The following DLG2 variants were observed in gnomAD, a reference collection of about 807,000 sequenced individuals.
DLG2 encodes the protein disks large homolog 2.
DLG2 carries 45 observed loss-of-function variants against 132.5 expected under a neutral mutation model. That is an observed-to-expected ratio of 0.34 (90% CI 0.27 to 0.44). The LOEUF is 0.44. DLG2 is among the 20% of genes least tolerant of loss of function. The probability of loss-of-function intolerance (pLI) is 1.00; values close to 1 mark genes in which losing one functional copy is unlikely to be tolerated. For synonymous variants in DLG2, 424 were observed against 419.6 expected (o/e 1.01, Z -0.13); for missense variants, 1,045 against 1,196.9 (o/e 0.87, Z 1.87).
chr11:85,330,834 A>T (rs947983172), intron 3 of DLG2, among the ~76,000 whole-genome samples: 1 of 149,636 alleles, frequency 6.7e-6, no homozygotes, highest in Non-Finnish European at 1.5e-5. Flanking sequence ...TGGGATGTAA[A>T]TTTTTTTATT....
chr11:83,593,524 TG>T (rs1277785371), intron 19 of DLG2, among the ~76,000 whole-genome samples: 4 of 151,792 alleles, frequency 2.6e-5, no homozygotes, highest in Non-Finnish European at 5.9e-5. Context: ...GGGATAGCAT[TG>T]GGAGATATAC....
intron 16 of DLG2, among the ~76,000 whole-genome samples, chr11:83,853,497 A>G (rs1438428397): frequency 2.0e-5 from 3 of 152,196 alleles, no homozygotes; most frequent in African/African-American, 7.2e-5. Context: ...GCTCCCAAGA[A>G]GTTCACAACA....
chr11:84,704,876 T>C (rs1030745814), intron 6 of DLG2, among the ~76,000 whole-genome samples: 5 of 149,282 alleles, frequency 3.3e-5, no homozygotes, highest in Admixed American at 6.7e-5. Context: ...CACACACACA[T>C]ATATATACAC....
At position 85,376,004 on chromosome 11, in the gene DLG2, T is replaced by C. The variant is rs532499010; in HGVS notation, c.41-90639A>G. On this transcript the variant is annotated intron_variant, in intron 3 of 27. Transcript: ENST00000376104. ...CAAGTATACATAGATATTAATATTT[T>C]ACATTTGTATATACTCCCAGTTAAC... Among the ~76,000 whole-genome samples, 4 of 152,326 alleles carry C rather than the reference T, an allele frequency of 2.6e-5. No homozygotes were observed. The South Asian group carries it at 6.2e-4, about 24-fold the overall frequency.
At chr11:84,843,259 T>C (rs888388015) in intron 6 of DLG2, among the ~76,000 whole-genome samples, 4 of 151,622 alleles carry the variant, frequency 2.6e-5, no homozygotes, top group Non-Finnish European at 5.9e-5. Context: ...ATGCCATTGT[T>C]TGTATATCAA....
At chr11:83,854,876 G>A (rs558876413) in intron 16 of DLG2, among the ~76,000 whole-genome samples, 2 of 133,016 alleles carry the variant, frequency 1.5e-5, no homozygotes, top group South Asian at 4.8e-4. Flanking sequence ...GAAATGACAA[G>A]CTAAATACTG....
chr11:83,608,539 G>A (rs2059661499), intron 19 of DLG2, among the ~76,000 whole-genome samples: 1 of 152,052 alleles, frequency 6.6e-6, no homozygotes, highest in African/African-American at 2.4e-5. Flanking sequence ...CATGTAATTT[G>A]TTGAATACTG....
At position 85,538,868 on chromosome 11, in the gene DLG2, G is replaced by T. The variant is rs2075782352; in HGVS notation, c.40+59789C>A. Among the ~76,000 whole-genome samples the T allele has an allele frequency of 2.0e-5, 3 of 151,810 alleles. No individual in the cohort carries two copies. In the South Asian group the frequency reaches 6.2e-4, roughly 31 times the overall value. On this transcript the variant is annotated intron_variant, in intron 3 of 27. Transcript: ENST00000376104. ...GGAACAGGGGAAGGAGGAACATCAGGATAAATAGCTAATGCATGTGAGGCT... is the reference window on the plus strand; with the variant it reads ...GGAACAGGGGAAGGAGGAACATCAGTATAAATAGCTAATGCATGTGAGGCT...
At chr11:85,160,929 G>C (rs1428374848) in intron 4 of DLG2, among the ~76,000 whole-genome samples, 1 of 152,068 alleles carries the variant, frequency 6.6e-6, no homozygotes, top group African/African-American at 2.4e-5. Context: ...CCAGTGCACA[G>C]AAGTTCAAGC....
chr11:85,545,926 C>A (rs1011780000), intron 3 of DLG2, among the ~76,000 whole-genome samples: 4 of 151,846 alleles, frequency 2.6e-5, no homozygotes, highest in Non-Finnish European at 4.4e-5. Context: ...TTTTGTTGAA[C>A]TTTTCAAAAA....
At chr11:84,037,735 A>G (rs1377583207) in intron 11 of DLG2, among the ~76,000 whole-genome samples, 3 of 152,070 alleles carry the variant, frequency 2.0e-5, no homozygotes, top group Admixed American at 1.3e-4. Context: ...TCTGAGCCAA[A>G]TGTCTTTCAA....
At chr11:83,573,271 C>T (rs144424607) in intron 19 of DLG2, among the ~76,000 whole-genome samples, 7 of 152,112 alleles carry the variant, frequency 4.6e-5, no homozygotes, top group African/African-American at 1.4e-4. Flanking sequence ...TAGTCTCCAA[C>T]TGAAGTCAGA....
At chr11:85,120,154 C>G (rs2074127633) in intron 5 of DLG2, among the ~76,000 whole-genome samples, 1 of 151,990 alleles carries the variant, frequency 6.6e-6, no homozygotes, top group Non-Finnish European at 1.5e-5. Context: ...AAACCTAACA[C>G]AAAGAAAAGG....
At chr11:83,636,264 C>G (rs1303337454) in intron 18 of DLG2, among the ~76,000 whole-genome samples, 1 of 152,154 alleles carries the variant, frequency 6.6e-6, no homozygotes, top group Non-Finnish European at 1.5e-5. Context: ...TTCCATTAGA[C>G]TGAGCCCTCT....
At chr11:84,955,312 C>T (rs1295450037) in intron 6 of DLG2, 2 of 152,118 alleles carry the variant, frequency 1.3e-5, no homozygotes, top group African/African-American at 4.8e-5. Flanking sequence ...CAAACCTATG[C>T]AGCTGACTTT....
chr11:84,055,185 A>G (rs2096476665), intron 11 of DLG2, among the ~76,000 whole-genome samples: 1 of 151,922 alleles, frequency 6.6e-6, no homozygotes, highest in Admixed American at 6.6e-5. Flanking sequence ...TCCCTACCTC[A>G]CAAATGGCAC....
intron 6 of DLG2, among the ~76,000 whole-genome samples, chr11:85,086,565 G>A (rs1310969499): frequency 6.6e-6 from 1 of 152,114 alleles, no homozygotes; most frequent in East Asian, 1.9e-4. Context: ...TTGGCATGAA[G>A]ACCTAGTAGC....
chr11:84,321,720 T>A (rs1026392283), intron 7 of DLG2, among the ~76,000 whole-genome samples: 3 of 152,188 alleles, frequency 2.0e-5, no homozygotes, highest in Non-Finnish European at 4.4e-5. Context: ...TAAAAAGAAG[T>A]GGGATTACTA....
chr11:84,590,306 C>G (rs890259031), intron 6 of DLG2, among the ~76,000 whole-genome samples: 1 of 152,206 alleles, frequency 6.6e-6, no homozygotes, highest in Non-Finnish European at 1.5e-5. Context: ...AGATCCCATT[C>G]TTCTCCAAAG....
Sources: gnomAD v4.1 joint callset for allele counts (sites outside exome capture counted in the v4.1 genomes callset) on GRCh38, gnomAD v4.1.1 for gene constraint, MANE v1.5 for transcripts, NCBI Gene and HGNC (gene_info 2026-07-23, HGNC 2026-07-21) for gene names.